CSMD1: variants seen among roughly 807,000 people sequenced by gnomAD.
The protein encoded by CSMD1 is CUB and sushi domain-containing protein 1.
CSMD1 carries 213 observed loss-of-function variants against 417.5 expected under a neutral mutation model. The ratio of observed to expected loss-of-function variants is 0.51; its 90% CI spans 0.46 to 0.57. The LOEUF (loss-of-function observed/expected upper bound fraction) is 0.57, where lower values mean the gene tolerates loss of function less well. Ranked by LOEUF, CSMD1 falls within the 20% of genes least tolerant of loss-of-function variation. CSMD1 has a pLI of 0.00. For synonymous variants in CSMD1, 2,862 were observed against 1,736.8 expected, an observed-to-expected ratio of 1.65 and a Z score of -16.11; for missense variants, 6,923 against 4,529.7, an observed-to-expected ratio of 1.53 and a Z score of -15.17.
intron 3 of CSMD1, among the ~76,000 whole-genome samples, chr8:4,252,531 A>C (rs1803149822): frequency 6.6e-6 from 1 of 152,166 alleles, no homozygotes; most frequent in South Asian, 2.1e-4. Context: ...ACACCATAAA[A>C]TGCTCCTTAG....
Position 3,835,430 on chromosome 8 carries a change from A to C in CSMD1, c.819-81388T>G, listed in dbSNP as rs548969937. 5.9e-5 allele frequency among the ~76,000 whole-genome samples: 9 copies of C among 152,130 alleles called. No individual in the cohort carries two copies. The South Asian group carries it at 1.9e-3, about 32-fold the overall frequency. On this transcript the variant is annotated intron_variant, in intron 5 of 69. Coordinates refer to ENST00000635120, the MANE Select transcript of CSMD1 (RefSeq NM_033225.6). ...CATGTCCTTTGTAGGGACATGGATG[A>C]AAGTGGAAACCATCATTCTCAGCAA...
intron 1 of CSMD1, among the ~76,000 whole-genome samples, chr8:4,838,533 C>T (rs1407833856): frequency 6.6e-6 from 1 of 152,220 alleles, no homozygotes; most frequent in South Asian, 2.1e-4. Context: ...AAAGCATTTA[C>T]TCCGCTTTTA....
chr8:3,284,593 C>G, intron 25 of CSMD1: 1 of 488,970 alleles, frequency 2.0e-6, no homozygotes, highest in South Asian at 2.3e-5. Flanking sequence ...GAGCTAGATG[C>G]TGAGCTATCC....
At chr8:4,140,161 T>G (rs1262025144) in intron 3 of CSMD1, among the ~76,000 whole-genome samples, 1 of 150,518 alleles carries the variant, frequency 6.6e-6, no homozygotes, top group Non-Finnish European at 1.5e-5. Context: ...GCGACCAGCC[T>G]GAGCAACATA....
chr8:4,823,663 A>G (rs773310358), intron 1 of CSMD1, among the ~76,000 whole-genome samples: 4 of 152,076 alleles, frequency 2.6e-5, no homozygotes, highest in Non-Finnish European at 4.4e-5. Context: ...TAATCACAAC[A>G]CTGACATATA....
intron 26 of CSMD1, among the ~76,000 whole-genome samples, chr8:3,272,952 G>C (rs1339686598): frequency 2.0e-5 from 3 of 149,894 alleles, no homozygotes; most frequent in Non-Finnish European, 4.4e-5. Context: ...GCCCTGGCCA[G>C]AACTTCCAAC....
chr8:3,857,618 A>G (rs1419442059), intron 5 of CSMD1, among the ~76,000 whole-genome samples: 1 of 152,148 alleles, frequency 6.6e-6, no homozygotes, highest in Non-Finnish European at 1.5e-5. Context: ...GGCCAGGTGG[A>G]GTTCACAGAG....
rs145815844 is a variant in CSMD1 at position 3,929,718 on chromosome 8, T to C, written c.818+68185A>G. On this transcript the variant is annotated intron_variant, in intron 5 of 69. Transcript: ENST00000635120. ...ACTCTGTCTCCCAGGCTGGAGTGCA[T>C]TGGCACAATCTCGGCTCACTGCAAC... Among the ~76,000 whole-genome samples the C allele has an allele frequency of 4.5e-3, 678 of 150,020 alleles. 32 individuals carry two copies. Among genetic ancestry groups the C allele is most frequent in the African/African-American group, 0.015 (628 of 40,702 alleles).
At chr8:4,073,084 T>C (rs564687801) in intron 3 of CSMD1, among the ~76,000 whole-genome samples, 72 of 152,306 alleles carry the variant, frequency 4.7e-4, no homozygotes, top group Non-Finnish European at 9.9e-4. Flanking sequence ...CTCTTTATGA[T>C]CCACTATGTC....
chr8:4,115,807 T>G (rs1802103918), intron 3 of CSMD1, among the ~76,000 whole-genome samples: 1 of 151,862 alleles, frequency 6.6e-6, no homozygotes, highest in African/African-American at 2.4e-5. Context: ...GTAAATCATA[T>G]TTCTCAGTAA....
intron 2 of CSMD1, among the ~76,000 whole-genome samples, chr8:4,456,718 C>T: frequency 6.6e-6 from 1 of 152,068 alleles, no homozygotes; most frequent in East Asian, 1.9e-4. Context: ...ATGTGGACCC[C>T]CTGCTGCATC....
intron 10 of CSMD1, among the ~76,000 whole-genome samples, chr8:3,514,841 C>T (rs1187627217): frequency 2.0e-5 from 3 of 151,998 alleles, no homozygotes; most frequent in Non-Finnish European, 2.9e-5. Flanking sequence ...CAACATATTG[C>T]TGATAATATC....
intron 2 of CSMD1, among the ~76,000 whole-genome samples, chr8:4,554,087 G>A (rs1563281429): frequency 6.6e-6 from 1 of 152,066 alleles, no homozygotes; most frequent in African/African-American, 2.4e-5. Context: ...TTTTAATATT[G>A]TGTGTAAATT....
chr8:4,097,983 A>G (rs1051996807), intron 3 of CSMD1, among the ~76,000 whole-genome samples: 2 of 152,152 alleles, frequency 1.3e-5, no homozygotes, highest in Admixed American at 6.5e-5. Flanking sequence ...GAATCTGTGG[A>G]TCAGATGGAA....
chr8:3,633,515 C>G (rs938054470), intron 7 of CSMD1, among the ~76,000 whole-genome samples: 1 of 152,178 alleles, frequency 6.6e-6, no homozygotes, highest in African/African-American at 2.4e-5. Context: ...GCAATGGCAT[C>G]AGAATACAAT....
chr8:3,952,360 C>G (rs1281992338), intron 5 of CSMD1, among the ~76,000 whole-genome samples: 1 of 152,078 alleles, frequency 6.6e-6, no homozygotes, highest in Non-Finnish European at 1.5e-5. Flanking sequence ...TTCTGTTGAA[C>G]CAAACATAAA....
At position 2,973,139 on chromosome 8, in the gene CSMD1, T is replaced by G; in HGVS notation, c.8901A>C (p.Ser2967=). The change falls in exon 57 of 70, where the codon TCA becomes TCC. Residue 2967 remains serine (S), a synonymous_variant. Transcript: ENST00000635120. ...CACCCTCACACACCGGCTGCAGTCC[T>G]GACCATGACCCATTGAGCAAACACG... The part of the protein sequence containing the change: ...ERTCLLNGSW[S]GLQPVCEAVS... 6.2e-7 allele frequency: 1 copy of G among 1,613,776 alleles called. No homozygotes were observed. Among genetic ancestry groups the G allele is most frequent in the Non-Finnish European group, 8.5e-7 (1 of 1,179,684 alleles).
In CSMD1 at chr8:4,698,340, T is replaced by C. The variant is rs927490793; in HGVS notation, c.86-60782A>G. ...AACGGCTCATGGAACTTAAAGATGA[T>C]GTCCCAAAACAGATAAACTGGTGAA... On this transcript the variant is annotated intron_variant, in intron 1 of 69. Coordinates refer to ENST00000635120, the MANE Select transcript of CSMD1 (RefSeq NM_033225.6). Among the ~76,000 whole-genome samples, 40 of 152,150 alleles carry C rather than the reference T, an allele frequency of 2.6e-4. 1 individual carries two copies. Among genetic ancestry groups the C allele is most frequent in the Admixed American group, 2.0e-3 (31 of 15,258 alleles).
intron 1 of CSMD1, among the ~76,000 whole-genome samples, chr8:4,755,516 G>A (rs146824186): frequency 6.6e-6 from 1 of 152,062 alleles, no homozygotes; most frequent in Non-Finnish European, 1.5e-5. Context: ...GATGTTTCCT[G>A]CTTTCAACTC....
Sources: allele counts gnomAD v4.1 joint callset (sites outside exome capture counted in the v4.1 genomes callset), GRCh38; gene constraint gnomAD v4.1.1; transcripts MANE v1.5; gene names NCBI Gene and HGNC (gene_info 2026-07-23, HGNC 2026-07-21).